ENTHD1: variants seen among roughly 807,000 people sequenced by gnomAD.
ENTHD1 encodes ENTH domain-containing protein 1.
A neutral mutation model predicts 39.1 loss-of-function variants in ENTHD1; 23 were observed. That is an observed-to-expected ratio of 0.59 (90% CI 0.42 to 0.83). The LOEUF is 0.83. Ranked by LOEUF, ENTHD1 falls within the 40% of genes least tolerant of loss-of-function variation. ENTHD1 has a pLI of 0.00. For missense variants in ENTHD1, 624 were observed against 705.4 expected (o/e 0.88, Z 1.31); for synonymous variants, 230 against 258.2 (o/e 0.89, Z 1.05).
At chr22:39,847,175 G>A (rs1365561207) in intron 3 of ENTHD1, among the ~76,000 whole-genome samples, 1 of 151,952 alleles carries the variant, frequency 6.6e-6, no homozygotes, top group Non-Finnish European at 1.5e-5. Context: ...ATACACCATG[G>A]AATACTATGC....
rs757795141 is a variant in ENTHD1, at chr22:39,861,800, T to C, written c.557A>G (p.Tyr186Cys). 10 of 1,582,846 alleles carry C rather than the reference T, an allele frequency of 6.3e-6. No homozygotes were observed. The highest frequency in any genetic ancestry group is 8.6e-6 in the Non-Finnish European group (10 of 1,160,592). Residue 186 changes from tyrosine to cysteine, a missense_variant, in exon 3 of 7, where the codon TAT becomes TGT. Transcript: ENST00000325157. ...TAACCTTCCAAACTTAGGAAGCTTATACTTCTTCTCTGAAGCAGAAATATC... is the reference window on the plus strand; with the variant it reads ...TAACCTTCCAAACTTAGGAAGCTTACACTTCTTCTCTGAAGCAGAAATATC... The part of the protein sequence containing the change: ...TPDISASEKK[Y>C]KLPKFGRLHN...
intron 6 of ENTHD1, among the ~76,000 whole-genome samples, chr22:39,764,917 A>G (rs1601578069): frequency 6.6e-6 from 1 of 152,232 alleles, no homozygotes; most frequent in East Asian, 1.9e-4. Context: ...CATGTCTAAC[A>G]GAAAGCACTT....
chr22:39,825,974 C>A (rs1053010576), intron 4 of ENTHD1, among the ~76,000 whole-genome samples: 18 of 152,300 alleles, frequency 1.2e-4, no homozygotes, highest in Admixed American at 5.2e-4. Context: ...CTCCCAGGTT[C>A]GAGTGATTCT....
chr22:39,847,535 TA>T (rs1268494306), intron 3 of ENTHD1, among the ~76,000 whole-genome samples: 11 of 149,560 alleles, frequency 7.4e-5, no homozygotes, highest in Middle Eastern at 3.2e-3. Context: ...TAAATAAAAA[TA>T]AAAAAATAAA....
intron 2 of ENTHD1, among the ~76,000 whole-genome samples, chr22:39,883,919 G>A (rs1341947801): frequency 1.4e-5 from 2 of 145,272 alleles, no homozygotes; most frequent in Non-Finnish European, 3.0e-5. Flanking sequence ...AAAATGCTTA[G>A]AAATAACTTT....
chr22:39,831,498 A>G (rs1395561919), intron 4 of ENTHD1, among the ~76,000 whole-genome samples: 1 of 152,070 alleles, frequency 6.6e-6, no homozygotes, highest in Non-Finnish European at 1.5e-5. Flanking sequence ...CAGAAAGAAA[A>G]CCAAATTCAC....
chr22:39,821,798 C>T (rs2065785101), intron 4 of ENTHD1, among the ~76,000 whole-genome samples: 1 of 152,118 alleles, frequency 6.6e-6, no homozygotes, highest in Admixed American at 6.5e-5. Context: ...CTGGCAAGGC[C>T]CCACCTCCTA....
At chr22:39,833,940 G>T (rs2065889158) in intron 4 of ENTHD1, among the ~76,000 whole-genome samples, 1 of 25,836 alleles carries the variant, frequency 3.9e-5, no homozygotes, top group East Asian at 1.6e-3. Flanking sequence ...ATATACTTGG[G>T]CAAAAAAAAA....
chr22:39,880,570 T>C (rs1298290628), intron 2 of ENTHD1, among the ~76,000 whole-genome samples: 1 of 152,216 alleles, frequency 6.6e-6, no homozygotes, highest in Non-Finnish European at 1.5e-5. Flanking sequence ...GCTACGCATG[T>C]ACAGGGGAAG....
intron 6 of ENTHD1, among the ~76,000 whole-genome samples, chr22:39,753,658 T>C (rs1400335481): frequency 2.6e-5 from 4 of 152,160 alleles, no homozygotes; most frequent in African/African-American, 4.8e-5. Flanking sequence ...CACTATCTTA[T>C]CTATTCTCCA....
intron 5 of ENTHD1, among the ~76,000 whole-genome samples, chr22:39,781,835 CAG>C (rs925207019): frequency 1.2e-4 from 18 of 152,174 alleles, no homozygotes; most frequent in African/African-American, 4.1e-4. Flanking sequence ...GACATAACAA[CAG>C]AGACTACAGA....
intron 5 of ENTHD1, among the ~76,000 whole-genome samples, chr22:39,795,348 A>G (rs1053618337): frequency 2.6e-5 from 4 of 152,064 alleles, no homozygotes; most frequent in Admixed American, 6.5e-5. Flanking sequence ...TTAGTTCTTC[A>G]TAAGTTTGGT....
chr22:39,791,910 C>T (rs557728562), intron 5 of ENTHD1, among the ~76,000 whole-genome samples: 1 of 152,096 alleles, frequency 6.6e-6, no homozygotes, highest in South Asian at 2.1e-4. Context: ...CAAGTAGGCC[C>T]TAGTGTCTAT....
intron 5 of ENTHD1, among the ~76,000 whole-genome samples, chr22:39,815,616 A>G (rs951083963): frequency 6.6e-6 from 1 of 152,126 alleles, no homozygotes; most frequent in Admixed American, 6.6e-5. Flanking sequence ...CCGTACGGCA[A>G]TTTCGCTTCC....
chr22:39,849,757 TA>T (rs902635144), intron 3 of ENTHD1, among the ~76,000 whole-genome samples: 1 of 152,226 alleles, frequency 6.6e-6, no homozygotes, highest in Non-Finnish European at 1.5e-5. Context: ...GCCATCTTTC[TA>T]AAACTCACTA....
chr22:39,790,355 G>A (rs946954666), intron 5 of ENTHD1, among the ~76,000 whole-genome samples: 1 of 152,162 alleles, frequency 6.6e-6, no homozygotes, highest in African/African-American at 2.4e-5. Context: ...CAGTGGAGGT[G>A]ATCTGATTCT....
intron 3 of ENTHD1, among the ~76,000 whole-genome samples, chr22:39,860,211 A>C (rs931531361): frequency 1.3e-5 from 2 of 152,226 alleles, no homozygotes; most frequent in African/African-American, 4.8e-5. Context: ...ATTTTAAATA[A>C]ATTCAATAAT....
chr22:39,878,732 G>T (rs1292558118), intron 2 of ENTHD1, among the ~76,000 whole-genome samples: 7 of 151,948 alleles, frequency 4.6e-5, no homozygotes, highest in African/African-American at 1.5e-4. Flanking sequence ...CAGAAACTCA[G>T]ATCTGCATAA....
At chr22:39,766,316 CAA>C (rs2065277432) in intron 5 of ENTHD1, among the ~76,000 whole-genome samples, 1 of 152,178 alleles carries the variant, frequency 6.6e-6, no homozygotes, top group African/African-American at 2.4e-5. Flanking sequence ...ATATAACAAA[CAA>C]TATTTATTAC....
Sources: allele counts gnomAD v4.1 joint callset (sites outside exome capture counted in the v4.1 genomes callset), GRCh38; gene constraint gnomAD v4.1.1; transcripts MANE v1.5; gene names NCBI Gene and HGNC (gene_info 2026-07-23, HGNC 2026-07-21).